Variants in CACNA1C observed in about 807,000 individuals in gnomAD.
CACNA1C encodes the protein calcium voltage-gated channel subunit alpha1 C.
CACNA1C carries 30 observed loss-of-function variants against 229.0 expected under a neutral mutation model. That is an observed-to-expected ratio of 0.13 (90% confidence interval 0.10 to 0.18). The LOEUF (loss-of-function observed/expected upper bound fraction) is 0.18, where lower values mean the gene tolerates loss of function less well. Ranked by LOEUF, CACNA1C falls within the 10% of genes least tolerant of loss-of-function variation. The probability of loss-of-function intolerance (pLI) is 1.00; values close to 1 mark genes in which losing one functional copy is unlikely to be tolerated. For missense variants in CACNA1C, 1,658 were observed against 2,845.0 expected (o/e 0.58, Z 9.49); for synonymous variants, 1,114 against 1,132.5 (o/e 0.98, Z 0.33).
chr12:2,253,268 G>A (rs1243831414), intron 3 of CACNA1C, among the ~76,000 whole-genome samples: 2 of 152,236 alleles, frequency 1.3e-5, no homozygotes, highest in Non-Finnish European at 1.5e-5. Flanking sequence ...GAAGTCCTTC[G>A]AAGCCCGTCT....
intron 3 of CACNA1C, among the ~76,000 whole-genome samples, chr12:2,200,824 C>T (rs1460723326): frequency 6.6e-6 from 1 of 152,110 alleles, no homozygotes; most frequent in Non-Finnish European, 1.5e-5. Flanking sequence ...GGAGATCTGG[C>T]AGACCCTACC....
chr12:2,070,961 CCCTG>C (rs1258819032), intron 1 of CACNA1C, among the ~76,000 whole-genome samples: 26 of 124,406 alleles, frequency 2.1e-4, no homozygotes, highest in South Asian at 1.3e-3. Flanking sequence ...CTCCCTCCCT[CCCTG>C]CCTGCCTGCC....
At chr12:2,295,325 C>G (rs1479063724) in intron 3 of CACNA1C, among the ~76,000 whole-genome samples, 1 of 152,148 alleles carries the variant, frequency 6.6e-6, no homozygotes, top group Non-Finnish European at 1.5e-5. Context: ...CTAACATGCC[C>G]CTCCCTCTTT....
chr12:2,195,803 G>A (rs2097382891), intron 3 of CACNA1C, among the ~76,000 whole-genome samples: 1 of 152,180 alleles, frequency 6.6e-6, no homozygotes, highest in Non-Finnish European at 1.5e-5. Flanking sequence ...CTTCCCCTCA[G>A]CCCCAAACTC....
chr12:2,330,428 T>C (rs896647474), intron 3 of CACNA1C, among the ~76,000 whole-genome samples: 3 of 152,258 alleles, frequency 2.0e-5, no homozygotes, highest in Non-Finnish European at 4.4e-5. Context: ...AGTTCCTCCA[T>C]GTGCTAAGCA....
chr12:2,422,135 A>AAAC (rs1297550817), intron 3 of CACNA1C, among the ~76,000 whole-genome samples: 1 of 152,176 alleles, frequency 6.6e-6, no homozygotes, highest in Non-Finnish European at 1.5e-5. Context: ...TCCAAAAAGT[A>AAAC]AACAAAGTGA....
At position 2,693,452 on chromosome 12, in the gene CACNA1C, CTTG is replaced by C. The variant is rs2097809399; in HGVS notation, c.*2257_*2259del. The C allele has an allele frequency of 1.3e-5, 2 of 152,316 alleles. No individual in the cohort carries two copies. Among genetic ancestry groups the C allele is most frequent in the East Asian group, 3.9e-4 (2 of 5,178 alleles). 9.4% of individuals were successfully genotyped at this position (152,316 alleles called of 1,614,324 possible). On this transcript the variant is annotated 3_prime_UTR_variant, in exon 47 of 47. Transcript: ENST00000399655. ...GGAGGGGCATCCTCACTTCCGGATTCTTGTTGCTCTACCCAACAAGGACAGCAG... is the reference window on the plus strand; with the variant it reads ...GGAGGGGCATCCTCACTTCCGGATTCTTGCTCTACCCAACAAGGACAGCAG...
At position 2,384,937 on chromosome 12, in the gene CACNA1C, C is replaced by T. The variant is rs926198248; in HGVS notation, c.478-64039C>T. ...CTCTGTCCCATTCGGCTTTATTAGA[C>T]GCCATCTGGAAAGGGGCTGGGAGTG... On this transcript the variant is annotated intron_variant, in intron 3 of 46. Coordinates refer to ENST00000399655, the MANE Select transcript of CACNA1C (RefSeq NM_000719.7). Among the ~76,000 whole-genome samples, 11 of 152,146 alleles carry T rather than the reference C, an allele frequency of 7.2e-5. 2 individuals carry two copies. The highest frequency in any genetic ancestry group is 5.9e-4 in the Admixed American group (9 of 15,282).
intron 2 of CACNA1C, 105 bp from the exon 3 acceptor site, chr12:2,120,220 A>C: frequency 1.3e-6 from 1 of 759,352 alleles, no homozygotes; most frequent in Non-Finnish European, 2.4e-6. Flanking sequence ...TGCATTGTTT[A>C]AACAAAATTC....
intron 10 of CACNA1C, chr12:2,550,790 A>G: frequency 1.3e-6 from 1 of 742,022 alleles, no homozygotes; most frequent in Non-Finnish European, 1.9e-6. Flanking sequence ...GAGCTGTGGA[A>G]GAGTCTAAAC....
chr12:2,071,246 G>A (rs893579566), intron 1 of CACNA1C, among the ~76,000 whole-genome samples: 1 of 146,490 alleles, frequency 6.8e-6, no homozygotes, highest in Non-Finnish European at 1.5e-5. Flanking sequence ...CCTTTGACAG[G>A]GTCTCACTCT....
At chr12:1,987,274 A>T (rs953291809) in intron 1 of CACNA1C, among the ~76,000 whole-genome samples, 2 of 152,214 alleles carry the variant, frequency 1.3e-5, no homozygotes, top group Non-Finnish European at 2.9e-5. Flanking sequence ...GCTGTATTTC[A>T]TATGTACATC....
In CACNA1C at chr12:2,512,283, G is replaced by C. The variant is rs2099786128; in HGVS notation, c.1218-529G>C. Reference sequence around the variant, plus strand: ...CGAGACATCCCTGAAGCCAGAGTTGGGAAGAGACATGAATGATTGGCTCTC... The same window carrying C: ...CGAGACATCCCTGAAGCCAGAGTTGCGAAGAGACATGAATGATTGGCTCTC... On this transcript the variant is annotated intron_variant, in intron 8 of 46. Coordinates refer to ENST00000399655, the MANE Select transcript of CACNA1C (RefSeq NM_000719.7). The surrounding 1 kb of genome is among the most constrained non-coding windows in gnomAD (Gnocchi z 4.3). 6.6e-6 allele frequency among the ~76,000 whole-genome samples: 1 copy of C among 152,110 alleles called. No individual in the cohort carries two copies. The highest frequency in any genetic ancestry group is 6.5e-5 in the Admixed American group (1 of 15,284).
At chr12:2,477,595 G>C (rs2099636714) in intron 5 of CACNA1C, among the ~76,000 whole-genome samples, 1 of 152,174 alleles carries the variant, frequency 6.6e-6, no homozygotes, top group African/African-American at 2.4e-5. Context: ...GTCTGTAGTT[G>C]GGTTCAGTCG....
intron 3 of CACNA1C, among the ~76,000 whole-genome samples, chr12:2,216,688 C>A (rs1019892848): frequency 6.6e-6 from 1 of 152,216 alleles, no homozygotes; most frequent in Non-Finnish European, 1.5e-5. Flanking sequence ...CAGAGGAGTT[C>A]TGATTCAGTG....
intron 3 of CACNA1C, among the ~76,000 whole-genome samples, chr12:2,317,490 G>T (rs1176363497): frequency 6.6e-6 from 1 of 152,156 alleles, no homozygotes; most frequent in African/African-American, 2.4e-5. Context: ...TTCAGGGGCT[G>T]AAGGGAGTGG....
At chr12:2,634,146 A>G in intron 29 of CACNA1C, 151 bp from the exon 30 acceptor site, 2 of 493,508 alleles carry the variant, frequency 4.1e-6, no homozygotes, top group Non-Finnish European at 7.1e-6. Context: ...TGCCCACGTA[A>G]CCTCTTTCTT....
intron 3 of CACNA1C, among the ~76,000 whole-genome samples, chr12:2,252,269 G>A (rs1341242244): frequency 6.6e-6 from 1 of 152,176 alleles, no homozygotes; most frequent in African/African-American, 2.4e-5. Flanking sequence ...CTCTTGTGGG[G>A]CTTGCTTGAA....
At chr12:2,579,744 CTAATTTTT>C (rs913500091) in intron 13 of CACNA1C, among the ~76,000 whole-genome samples, 11 of 152,228 alleles carry the variant, frequency 7.2e-5, no homozygotes, top group African/African-American at 2.6e-4. Flanking sequence ...CCACACCCAG[CTAATTTTT>C]TAATTTTTTA....
Sources: gnomAD v4.1 joint callset for allele counts (sites outside exome capture counted in the v4.1 genomes callset) on GRCh38, gnomAD v4.1.1 for gene constraint, Gnocchi (gnomAD v3.1) non-coding constraint, MANE v1.5 for transcripts, NCBI Gene and HGNC (gene_info 2026-07-23, HGNC 2026-07-21) for gene names.